EPB41L4A: variants seen among roughly 807,000 people sequenced by gnomAD.
The protein encoded by EPB41L4A is erythrocyte membrane protein band 4.1 like 4A.
Under a neutral mutation model 108.6 loss-of-function variants are expected in EPB41L4A, and 100 were observed. That is an observed-to-expected ratio of 0.92 (90% CI 0.78 to 1.09). The LOEUF (loss-of-function observed/expected upper bound fraction) is 1.09. EPB41L4A is among the 50% of genes least tolerant of loss of function. The pLI is 0.00. For synonymous variants in EPB41L4A, 319 were observed against 289.0 expected, an observed-to-expected ratio of 1.10 and a Z score of -1.05; for missense variants, 1,030 against 842.7, an observed-to-expected ratio of 1.22 and a Z score of -2.75.
chr5:112,193,581 G>T (rs1052340288), intron 17 of EPB41L4A, among the ~76,000 whole-genome samples: 1 of 152,138 alleles, frequency 6.6e-6, no homozygotes, highest in Admixed American at 6.5e-5. Flanking sequence ...GATTACAGGC[G>T]TGAGCCACCG....
chr5:112,286,753 A>ATTGTTGGAAGAATGGTGGCT (rs943957036), intron 2 of EPB41L4A, among the ~76,000 whole-genome samples: 2 of 152,082 alleles, frequency 1.3e-5, no homozygotes, highest in Non-Finnish European at 2.9e-5. Flanking sequence ...TGACAGAATC[A>ATTGTTGGAAGAATGGTGGCT]TTGTTGGAAG....
chr5:112,284,170 G>A (rs1753132592), intron 2 of EPB41L4A, among the ~76,000 whole-genome samples: 1 of 152,178 alleles, frequency 6.6e-6, no homozygotes, highest in Non-Finnish European at 1.5e-5. Context: ...TCCAGAAAGG[G>A]AAGTAGTCCA....
intron 1 of EPB41L4A, among the ~76,000 whole-genome samples, chr5:112,309,245 C>G (rs1754890305): frequency 6.6e-6 from 1 of 152,150 alleles, no homozygotes; most frequent in Non-Finnish European, 1.5e-5. Flanking sequence ...AGTATTCTAT[C>G]TCATGGGTTA....
intron 1 of EPB41L4A, among the ~76,000 whole-genome samples, chr5:112,401,227 CCA>C (rs924200032): frequency 2.0e-5 from 3 of 152,184 alleles, no homozygotes; most frequent in Non-Finnish European, 4.4e-5. Flanking sequence ...ACTAGGTAAG[CCA>C]CAGACACTAC....
chr5:112,182,656 A>C (rs1439097637), intron 18 of EPB41L4A, among the ~76,000 whole-genome samples: 2 of 152,226 alleles, frequency 1.3e-5, no homozygotes, highest in African/African-American at 4.8e-5. Flanking sequence ...CTTCATAGAA[A>C]ACTATTCCAC....
At chr5:112,172,825 A>T (rs1179161447) in intron 18 of EPB41L4A, among the ~76,000 whole-genome samples, 1 of 152,182 alleles carries the variant, frequency 6.6e-6, no homozygotes, top group African/African-American at 2.4e-5. Flanking sequence ...TATTTCAGGA[A>T]GGTATGATAG....
chr5:112,153,264 G>A (rs560336565), intron 12 of EPB41L4A, among the ~76,000 whole-genome samples: 4 of 151,946 alleles, frequency 2.6e-5, no homozygotes, highest in African/African-American at 4.8e-5. Flanking sequence ...GGTGTCTCAC[G>A]CCTGTAATCC....
At chr5:112,349,868 T>C (rs1162900759) in intron 1 of EPB41L4A, among the ~76,000 whole-genome samples, 1 of 152,160 alleles carries the variant, frequency 6.6e-6, no homozygotes, top group Non-Finnish European at 1.5e-5. Flanking sequence ...TAAAAAATCT[T>C]GCAAAGCAAA....
At chr5:112,205,905 T>G (rs1762450322) in intron 13 of EPB41L4A, 1 of 174,786 alleles carries the variant, frequency 5.7e-6, no homozygotes, top group African/African-American at 2.4e-5. Context: ...AGAGAAGCCC[T>G]TACTCCAGGC....
intron 1 of EPB41L4A, among the ~76,000 whole-genome samples, chr5:112,376,661 T>G (rs1202316592): frequency 6.6e-6 from 1 of 152,210 alleles, no homozygotes; most frequent in Non-Finnish European, 1.5e-5. Flanking sequence ...TGGTTAAGTG[T>G]TAGTACATCC....
At chr5:112,307,264 T>A (rs1580652777) in intron 2 of EPB41L4A, 122 bp downstream of exon 2, 1 of 625,904 alleles carries the variant, frequency 1.6e-6, no homozygotes, top group East Asian at 2.8e-5. Context: ...AAAACATGTT[T>A]GAGATTTTCA....
At chr5:112,191,346 G>C (rs1037665182) in intron 17 of EPB41L4A, among the ~76,000 whole-genome samples, 4 of 152,176 alleles carry the variant, frequency 2.6e-5, no homozygotes, top group Non-Finnish European at 4.4e-5. Context: ...AAAGGGGACA[G>C]ACAGATGGGG....
chr5:112,413,149 G>A (rs779796613), intron 1 of EPB41L4A, among the ~76,000 whole-genome samples: 1 of 152,154 alleles, frequency 6.6e-6, no homozygotes, highest in Non-Finnish European at 1.5e-5. Flanking sequence ...GCTCTTCTTC[G>A]GAAAGACTCA....
At chr5:112,160,864 C>G (rs1023675769), downstream of EPB41L4A, 1 of 156,248 alleles carries the variant, frequency 6.4e-6, no homozygotes, top group East Asian at 1.9e-4. Context: ...GGAAGCCTGT[C>G]CTTTCTTCCT....
intron 1 of EPB41L4A, among the ~76,000 whole-genome samples, chr5:112,400,496 A>T (rs1761673161): frequency 6.6e-6 from 1 of 152,148 alleles, no homozygotes; most frequent in South Asian, 2.1e-4. Flanking sequence ...CTGATGGTGG[A>T]AGGCAAAGGG....
chr5:112,322,803 C>T (rs1755892677), intron 1 of EPB41L4A, among the ~76,000 whole-genome samples: 1 of 151,876 alleles, frequency 6.6e-6, no homozygotes, highest in African/African-American at 2.4e-5. Context: ...GTGCTCTTAG[C>T]CTGCCTGATA....
intron 1 of EPB41L4A, among the ~76,000 whole-genome samples, chr5:112,366,446 C>T (rs750925275): frequency 3.9e-5 from 6 of 152,064 alleles, no homozygotes; most frequent in Non-Finnish European, 5.9e-5. Context: ...TGGAGTACCC[C>T]GAGGCTGGCA....
At chr5:112,197,986 A>C (rs1163520051) in intron 15 of EPB41L4A, among the ~76,000 whole-genome samples, 1 of 152,168 alleles carries the variant, frequency 6.6e-6, no homozygotes, top group Non-Finnish European at 1.5e-5. Context: ...TCTGAAGGCA[A>C]TACTTCTTTG....
intron 10 of EPB41L4A, among the ~76,000 whole-genome samples, 180 bp downstream of exon 10, chr5:112,240,539 T>C (rs975351047): frequency 6.6e-6 from 1 of 152,062 alleles, no homozygotes; most frequent in African/African-American, 2.4e-5. Flanking sequence ...TGTGTATATA[T>C]ATCTACACAT....
Sources: allele counts gnomAD v4.1 joint callset (sites outside exome capture counted in the v4.1 genomes callset), GRCh38; gene constraint gnomAD v4.1.1; transcripts MANE v1.5; gene names NCBI Gene and HGNC (gene_info 2026-07-23, HGNC 2026-07-21).